KCNH5: variants seen among roughly 807,000 people sequenced by gnomAD.
KCNH5 encodes the protein potassium voltage-gated channel subfamily H member 5.
Under a neutral mutation model 96.1 loss-of-function variants are expected in KCNH5, and 46 were observed. The observed-to-expected ratio is 0.48, with a 90% CI of 0.38 to 0.61. KCNH5 has a LOEUF of 0.61. KCNH5 is among the 20% of genes least tolerant of loss of function. The pLI, the probability that KCNH5 is intolerant of heterozygous loss-of-function variation, is 0.00. For synonymous variants in KCNH5, 439 were observed against 449.8 expected (o/e 0.98, Z 0.30); for missense variants, 907 against 1,225.8 (o/e 0.74, Z 3.88).
At chr14:62,843,805 CG>C (rs994077132) in intron 8 of KCNH5, among the ~76,000 whole-genome samples, 11 of 151,860 alleles carry the variant, frequency 7.2e-5, no homozygotes, top group African/African-American at 2.4e-4. Context: ...TATACCATCA[CG>C]GGAACCTCTT....
chr14:62,799,726 T>TACATATATACACAC (rs1555357234), intron 9 of KCNH5, among the ~76,000 whole-genome samples: 1 of 68,664 alleles, frequency 1.5e-5, no homozygotes, highest in Admixed American at 1.9e-4. Context: ...TATATATATA[T>TACATATATACACAC]ACACACACAC....
intron 7 of KCNH5, among the ~76,000 whole-genome samples, chr14:62,925,420 C>G (rs1889456568): frequency 1.3e-5 from 2 of 151,968 alleles, no homozygotes; most frequent in Admixed American, 1.3e-4. Context: ...TTTCCTTCTC[C>G]TCTTTCAAAA....
intron 8 of KCNH5, among the ~76,000 whole-genome samples, chr14:62,816,612 C>T (rs1886984080): frequency 6.6e-6 from 1 of 151,730 alleles, no homozygotes; most frequent in Non-Finnish European, 1.5e-5. Flanking sequence ...CTGAAATAGA[C>T]AAAAAAGTAT....
At chr14:62,782,660 A>C (rs1204378152) in intron 9 of KCNH5, among the ~76,000 whole-genome samples, 1 of 151,918 alleles carries the variant, frequency 6.6e-6, no homozygotes, top group Non-Finnish European at 1.5e-5. Context: ...AATACAAAAA[A>C]ATTAGCCGGG....
At chr14:62,964,468 T>C (rs1890268563) in intron 6 of KCNH5, among the ~76,000 whole-genome samples, 1 of 151,892 alleles carries the variant, frequency 6.6e-6, no homozygotes, top group Admixed American at 6.6e-5. Flanking sequence ...GCTGAAATTA[T>C]ACTCACAGAC....
At chr14:62,795,807 C>G (rs962689274) in intron 9 of KCNH5, among the ~76,000 whole-genome samples, 1 of 152,012 alleles carries the variant, frequency 6.6e-6, no homozygotes. Context: ...TACTAAGAAC[C>G]CTGTATAGGC....
At chr14:62,753,700 T>C (rs1885554278) in intron 10 of KCNH5, among the ~76,000 whole-genome samples, 1 of 152,044 alleles carries the variant, frequency 6.6e-6, no homozygotes, top group African/African-American at 2.4e-5. Context: ...ATATTCAAAG[T>C]ACTAAAGAAA....
chr14:62,842,568 T>C (rs1177518783), intron 8 of KCNH5, among the ~76,000 whole-genome samples: 1 of 152,210 alleles, frequency 6.6e-6, no homozygotes, highest in South Asian at 2.1e-4. Flanking sequence ...AGCTGAAGAA[T>C]AGTTTCTTGC....
At chr14:62,858,138 A>G (rs1887965868) in intron 7 of KCNH5, among the ~76,000 whole-genome samples, 1 of 152,210 alleles carries the variant, frequency 6.6e-6, no homozygotes, top group Non-Finnish European at 1.5e-5. Context: ...TTTTTCACAA[A>G]AGGAGGAAAT....
intron 10 of KCNH5, among the ~76,000 whole-genome samples, chr14:62,717,521 G>A (rs1884710507): frequency 6.6e-6 from 1 of 152,166 alleles, no homozygotes; most frequent in African/African-American, 2.4e-5. Context: ...GGTTGTCAAA[G>A]CAATTCAATG....
chr14:62,738,153 G>A (rs1406424573), intron 10 of KCNH5, among the ~76,000 whole-genome samples: 3 of 152,042 alleles, frequency 2.0e-5, no homozygotes, highest in Non-Finnish European at 2.9e-5. Context: ...TGACTGAGAC[G>A]GCTACTAAAT....
intron 9 of KCNH5, among the ~76,000 whole-genome samples, chr14:62,793,247 A>C (rs1886470868): frequency 6.6e-6 from 1 of 151,810 alleles, no homozygotes; most frequent in Non-Finnish European, 1.5e-5. Flanking sequence ...TATACTTCAC[A>C]ACACAGTACT....
intron 10 of KCNH5, among the ~76,000 whole-genome samples, chr14:62,746,698 A>G (rs1319905684): frequency 6.6e-6 from 1 of 152,208 alleles, no homozygotes; most frequent in East Asian, 1.9e-4. Flanking sequence ...ATTTTTCATT[A>G]AAAATGAATT....
At chr14:62,992,032 T>C (rs994598640) in intron 4 of KCNH5, among the ~76,000 whole-genome samples, 1 of 152,026 alleles carries the variant, frequency 6.6e-6, no homozygotes, top group Admixed American at 6.6e-5. Context: ...TCTACATCCA[T>C]GTGTACACAT....
intron 7 of KCNH5, among the ~76,000 whole-genome samples, chr14:62,903,008 A>G (rs556615373): frequency 2.6e-5 from 4 of 152,278 alleles, no homozygotes; most frequent in Non-Finnish European, 5.9e-5. Flanking sequence ...ATGAGCCACC[A>G]CGTCTGCGAT....
chr14:62,749,152 G>C (rs1400519227), intron 10 of KCNH5, among the ~76,000 whole-genome samples: 1 of 152,178 alleles, frequency 6.6e-6, no homozygotes, highest in Non-Finnish European at 1.5e-5. Context: ...GCTAAAGTCT[G>C]TGCCCACTCA....
At position 62,893,194 on chromosome 14, in the gene KCNH5, G is replaced by A. The variant is rs117228818; in HGVS notation, c.1370-43342C>T. On this transcript the variant is annotated intron_variant, in intron 7 of 10. Coordinates refer to ENST00000322893, the MANE Select transcript of KCNH5 (RefSeq NM_139318.5). ...GAGGCCAAAATATCTACATTAACATGAGTCTGGAAGAAGTTGATTGTGACC... is the reference window on the plus strand; with the variant it reads ...GAGGCCAAAATATCTACATTAACATAAGTCTGGAAGAAGTTGATTGTGACC... Among the ~76,000 whole-genome samples the A allele has an allele frequency of 1.7e-4, 26 of 152,292 alleles. 1 individual carries two copies. In the South Asian group the frequency reaches 4.6e-3, roughly 27 times the overall value.
chr14:62,745,435 A>T (rs1361088335), intron 10 of KCNH5, among the ~76,000 whole-genome samples: 2 of 152,250 alleles, frequency 1.3e-5, no homozygotes, highest in Non-Finnish European at 2.9e-5. Flanking sequence ...ATTTGTCAGA[A>T]TAACATGGTA....
chr14:62,799,726 T>TATATACACAC lies in KCNH5; in HGVS notation c.1822+2602_1822+2603insGTGTGTATAT, dbSNP rs1213484157. The stretch of plus-strand genomic sequence containing the variant: ...ATATATATATATATATATATATATA[T>TATATACACAC]ACACACACACACACACACATATCAG... On this transcript the variant is annotated intron_variant, in intron 9 of 10. Transcript: ENST00000322893. Among the ~76,000 whole-genome samples the TATATACACAC allele has an allele frequency of 3.4e-3, 230 of 68,606 alleles. 1 individual carries two copies. The highest frequency in any genetic ancestry group is 5.8e-3 in the East Asian group (14 of 2,396). 45.0% of individuals were successfully genotyped at this position (68,606 alleles called of 152,430 possible). A position where few individuals can be genotyped will look rare whatever the true frequency, so the allele number is the denominator to read the frequency against.
Sources: allele counts gnomAD v4.1 joint callset (sites outside exome capture counted in the v4.1 genomes callset), GRCh38; gene constraint gnomAD v4.1.1; transcripts MANE v1.5; gene names NCBI Gene and HGNC (gene_info 2026-07-23, HGNC 2026-07-21).